Variants in ALKBH8 observed in about 807,000 individuals in gnomAD.
The protein encoded by ALKBH8 is alkB homolog 8, tRNA methyltransferase.
Under a neutral mutation model 59.8 loss-of-function variants are expected in ALKBH8, and 36 were observed. The ratio of observed to expected loss-of-function variants is 0.60; its 90% confidence interval spans 0.46 to 0.79. The LOEUF (loss-of-function observed/expected upper bound fraction) is 0.79. Among genes scored for constraint, ALKBH8 ranks in the 30% least tolerant of loss-of-function variants. The pLI, the probability that ALKBH8 is intolerant of heterozygous loss-of-function variation, is 0.00. For missense variants in ALKBH8, 768 were observed against 801.0 expected (o/e 0.96, Z 0.50); for synonymous variants, 276 against 273.6 (o/e 1.01, Z -0.09).
At chr11:107,524,254 G>T (rs961815341) in intron 9 of ALKBH8, among the ~76,000 whole-genome samples, 1 of 151,646 alleles carries the variant, frequency 6.6e-6, no homozygotes, top group Admixed American at 6.6e-5. Context: ...TGCAGACAGG[G>T]GGTCTTCCTA....
chr11:107,556,790 G>A lies in ALKBH8; in HGVS notation c.343C>T (p.Leu115=), dbSNP rs540325848. ...CCTTTTTCCACAAAATTCAAATACA[G>A]AGTGATCTTTTGTCCTAAATCATCC... ...VVDDLGQKIT[L]YLNFVEKVQW... Residue 115 remains leucine (L), a synonymous_variant, in exon 3 of 12, where the codon CTG becomes TTG. Transcript: ENST00000428149. 8.5e-6 allele frequency: 12 copies of A among 1,409,712 alleles called. No homozygotes were observed. Among genetic ancestry groups the A allele is most frequent in the South Asian group, 5.4e-5 (3 of 55,414 alleles). The allele number at this position is 1,409,712 out of a possible 1,614,324, so 87.3% of individuals were successfully genotyped here. A position where few individuals can be genotyped will look rare whatever the true frequency, so the allele number is the denominator to read the frequency against.
chr11:107,523,609 T>A (rs1416129456), intron 9 of ALKBH8, among the ~76,000 whole-genome samples: 1 of 150,098 alleles, frequency 6.7e-6, no homozygotes, highest in Non-Finnish European at 1.5e-5. Flanking sequence ...ATTCTTTTTT[T>A]TTTTTTTTTT....
intron 11 of ALKBH8, among the ~76,000 whole-genome samples, chr11:107,507,660 T>C (rs1488644322): frequency 6.6e-6 from 1 of 152,132 alleles, no homozygotes; most frequent in Non-Finnish European, 1.5e-5. Flanking sequence ...TCACTAAAAA[T>C]GTTTGTTCAA....
intron 1 of ALKBH8, chr11:107,563,623 T>C (rs1865021289): frequency 6.6e-6 from 1 of 152,206 alleles, no homozygotes; most frequent in African/African-American, 2.4e-5. Flanking sequence ...AGGAGCTATT[T>C]TAGAGCCATT....
chr11:107,564,127 A>T (rs998831163), intron 1 of ALKBH8, among the ~76,000 whole-genome samples: 5 of 152,144 alleles, frequency 3.3e-5, no homozygotes, highest in African/African-American at 9.7e-5. Flanking sequence ...TAACTATGAT[A>T]CTAGCCATGC....
At chr11:107,558,061 A>AT (rs1334989945) in intron 2 of ALKBH8, among the ~76,000 whole-genome samples, 3 of 152,162 alleles carry the variant, frequency 2.0e-5, no homozygotes, top group Non-Finnish European at 2.9e-5. Context: ...TCTTAGTATT[A>AT]TTTTTTAACA....
chr11:107,503,600 T>C lies in ALKBH8; in HGVS notation c.*1058A>G, dbSNP rs1171048090. Reference sequence around the variant, plus strand: ...AACCTAAGTGGTAAGTTAACTGGGTTACTATTATGCAATATTGTACAGATC... The same window carrying C: ...AACCTAAGTGGTAAGTTAACTGGGTCACTATTATGCAATATTGTACAGATC... On this transcript the variant is annotated 3_prime_UTR_variant, in exon 12 of 12. Coordinates refer to ENST00000428149, the MANE Select transcript of ALKBH8 (RefSeq NM_138775.3). The C allele has an allele frequency of 6.8e-6, 1 of 146,142 alleles. No individual in the cohort carries two copies. Among genetic ancestry groups the C allele is most frequent in the Admixed American group, 6.7e-5 (1 of 14,884 alleles). 9.1% of individuals were successfully genotyped at this position (146,142 alleles called of 1,614,324 possible).
chr11:107,514,748 G>A (rs1349907981), intron 10 of ALKBH8, among the ~76,000 whole-genome samples: 1 of 152,002 alleles, frequency 6.6e-6, no homozygotes, highest in Non-Finnish European at 1.5e-5. Context: ...AGAATTGGAA[G>A]TTTCAAGTAT....
At chr11:107,557,039 C>T in intron 2 of ALKBH8, 36 bp from the exon 3 acceptor site, 1 of 1,407,966 alleles carries the variant, frequency 7.1e-7, no homozygotes, top group East Asian at 2.5e-5. Context: ...AAGAAAGTAA[C>T]ATGAGCAACT....
chr11:107,553,622 A>T (rs998843099), intron 4 of ALKBH8, among the ~76,000 whole-genome samples: 18 of 152,188 alleles, frequency 1.2e-4, no homozygotes, highest in African/African-American at 3.4e-4. Flanking sequence ...TAAAAGCTAT[A>T]TAAATGTTGG....
intron 1 of ALKBH8, chr11:107,565,396 A>T: frequency 1.5e-6 from 1 of 647,014 alleles, no homozygotes. Flanking sequence ...ACCAAACACA[A>T]ACACATGCAC....
intron 11 of ALKBH8, among the ~76,000 whole-genome samples, chr11:107,508,132 A>G (rs1862468608): frequency 6.6e-6 from 1 of 151,534 alleles, no homozygotes; most frequent in Non-Finnish European, 1.5e-5. Flanking sequence ...TCTTGTGCCC[A>G]GCTATTTGCT....
intron 6 of ALKBH8, among the ~76,000 whole-genome samples, chr11:107,550,174 G>T (rs1864431436): frequency 6.6e-6 from 1 of 152,172 alleles, no homozygotes; most frequent in South Asian, 2.1e-4. Flanking sequence ...CCAAGTACTT[G>T]CAGAACAAAA....
chr11:107,518,806 G>C (rs1289813002), intron 10 of ALKBH8, among the ~76,000 whole-genome samples: 1 of 16,796 alleles, frequency 6.0e-5, no homozygotes, highest in Non-Finnish European at 1.1e-4. Context: ...ATAAATACGT[G>C]GGTAAATCTC....
At chr11:107,554,842 G>A (rs1864639761) in intron 3 of ALKBH8, among the ~76,000 whole-genome samples, 1 of 152,162 alleles carries the variant, frequency 6.6e-6, no homozygotes, top group Non-Finnish European at 1.5e-5. Context: ...TTAAAGAAAA[G>A]TAATTTACAG....
At chr11:107,505,461 C>T (rs1862343918) in intron 11 of ALKBH8, among the ~76,000 whole-genome samples, 1 of 152,168 alleles carries the variant, frequency 6.6e-6, no homozygotes, top group African/African-American at 2.4e-5. Context: ...TGTGACTTTT[C>T]CTTAACTGTC....
At chr11:107,565,540 G>A in intron 1 of ALKBH8, 61 bp downstream of exon 1, 1 of 1,534,506 alleles carries the variant, frequency 6.5e-7, no homozygotes, top group Non-Finnish European at 8.7e-7. Flanking sequence ...ACCGGAAGAG[G>A]CTGAAAAGAG....
chr11:107,540,660 A>G (rs17107099), intron 7 of ALKBH8, among the ~76,000 whole-genome samples: 4,227 of 152,268 alleles, frequency 0.028, 176 homozygotes, highest in African/African-American at 0.093. Flanking sequence ...GCTCTCACTT[A>G]TATACCATGG....
At chr11:107,551,702 AAAAAATAAT>A (rs1380425177) in intron 6 of ALKBH8, 97 bp downstream of exon 6, 8 of 376,796 alleles carry the variant, frequency 2.1e-5, no homozygotes, top group South Asian at 6.4e-5. Context: ...CTCAAAAAAA[AAAAAATAAT>A]AATAATAATA....
Sources: gnomAD v4.1 joint callset for allele counts (sites outside exome capture counted in the v4.1 genomes callset) on GRCh38, gnomAD v4.1.1 for gene constraint, MANE v1.5 for transcripts, NCBI Gene and HGNC (gene_info 2026-07-23, HGNC 2026-07-21) for gene names.